The following CSRNP3 variants were observed in gnomAD, a reference collection of about 807,000 sequenced individuals.
CSRNP3 encodes the protein cysteine and serine rich nuclear protein 3, also known as cysteine/serine-rich nuclear protein 3.
CSRNP3 carries 12 observed loss-of-function variants against 48.0 expected under a neutral mutation model. That is an observed-to-expected ratio of 0.25 (90% confidence interval 0.16 to 0.41). The LOEUF (loss-of-function observed/expected upper bound fraction) is 0.41, where lower values mean the gene tolerates loss of function less well. CSRNP3 is among the 10% of genes least tolerant of loss of function. The pLI is 1.00. For missense variants in CSRNP3, 580 were observed against 724.4 expected (o/e 0.80, Z 2.29); for synonymous variants, 263 against 269.7 (o/e 0.98, Z 0.24).
At chr2:165,551,379 C>T (rs1449915410) in intron 3 of CSRNP3, among the ~76,000 whole-genome samples, 1 of 152,200 alleles carries the variant, frequency 6.6e-6, no homozygotes, top group East Asian at 1.9e-4. Flanking sequence ...CTTTTAGTCT[C>T]CCTCTATACC....
At position 165,687,991 on chromosome 2, in the gene CSRNP3, C is replaced by T. The variant is rs1687658357; in HGVS notation, c.*8238C>T. On this transcript the variant is annotated 3_prime_UTR_variant, in exon 7 of 7. Transcript: ENST00000651982. ...TGCTCTTGTGAAATGACAGCCACATCAGTGTGGTTACTCCCCACAAATAAC... is the reference window on the plus strand; with the variant it reads ...TGCTCTTGTGAAATGACAGCCACATTAGTGTGGTTACTCCCCACAAATAAC... 1 of 150,078 alleles carries T rather than the reference C, an allele frequency of 6.7e-6. No individual in the cohort carries two copies. The highest frequency in any genetic ancestry group is 2.1e-4 in the South Asian group (1 of 4,754). 9.3% of individuals were successfully genotyped at this position (150,078 alleles called of 1,614,324 possible). A position where few individuals can be genotyped will look rare whatever the true frequency, so the allele number is the denominator to read the frequency against.
chr2:165,625,855 C>A (rs1286640503), intron 4 of CSRNP3, among the ~76,000 whole-genome samples: 10 of 142,790 alleles, frequency 7.0e-5, no homozygotes, highest in South Asian at 4.4e-4. Flanking sequence ...ATCGCGTGAA[C>A]TCGGGGCAGA....
intron 4 of CSRNP3, among the ~76,000 whole-genome samples, chr2:165,654,620 T>A (rs540532235): frequency 8.4e-4 from 128 of 152,226 alleles, no homozygotes; most frequent in African/African-American, 2.6e-3. Context: ...TGTATTTATT[T>A]TTTATTTATT....
intron 4 of CSRNP3, among the ~76,000 whole-genome samples, chr2:165,641,214 G>C (rs1251126953): frequency 6.6e-6 from 1 of 152,202 alleles, no homozygotes; most frequent in Non-Finnish European, 1.5e-5. Flanking sequence ...TGGTTCACCA[G>C]TTCTAGTTTA....
intron 1 of CSRNP3, among the ~76,000 whole-genome samples, chr2:165,476,368 A>T (rs1683962735): frequency 6.6e-6 from 1 of 152,184 alleles, no homozygotes; most frequent in African/African-American, 2.4e-5. Flanking sequence ...ATAATATGGG[A>T]CTGGTAGAAG....
Position 165,635,181 on chromosome 2 carries a change from T to G in CSRNP3, c.149-22580T>G, listed in dbSNP as rs183980294. Reference sequence around the variant, plus strand: ...GAGCTGCCAAAGTGCGCAGCCAGGCTGGGCCCCTGGGGTGCCCGTGAGGGC... The same window carrying G: ...GAGCTGCCAAAGTGCGCAGCCAGGCGGGGCCCCTGGGGTGCCCGTGAGGGC... On this transcript the variant is annotated intron_variant, in intron 4 of 6. Transcript: ENST00000651982. Among the ~76,000 whole-genome samples the G allele has an allele frequency of 2.7e-3, 416 of 152,362 alleles. 1 individual carries two copies. Among genetic ancestry groups the G allele is most frequent in the Non-Finnish European group, 4.6e-3 (311 of 68,032 alleles).
At chr2:165,559,427 C>T (rs1685201642) in intron 3 of CSRNP3, among the ~76,000 whole-genome samples, 1 of 152,154 alleles carries the variant, frequency 6.6e-6, no homozygotes, top group African/African-American at 2.4e-5. Flanking sequence ...AAGCTTTTTA[C>T]TATCTTAATT....
rs1245758544 is a variant in CSRNP3, at chr2:165,689,050, AT to A, written c.*9299del. ...ATGTTGTATGTCACACAGTTTCTAGATTGATTTCTCTTGTGTATAAGTTATA... is the reference window on the plus strand; with the variant it reads ...ATGTTGTATGTCACACAGTTTCTAGATGATTTCTCTTGTGTATAAGTTATA... On this transcript the variant is annotated 3_prime_UTR_variant, in exon 7 of 7. Coordinates refer to ENST00000651982, the MANE Select transcript of CSRNP3 (RefSeq NM_001172173.2). The A allele has an allele frequency of 2.6e-5, 4 of 152,204 alleles. No individual in the cohort carries two copies. In the South Asian group the frequency reaches 8.3e-4, roughly 32 times the overall value. 9.4% of individuals were successfully genotyped at this position (152,204 alleles called of 1,614,324 possible).
chr2:165,503,205 T>A (rs1312902587), intron 2 of CSRNP3, among the ~76,000 whole-genome samples: 1 of 151,960 alleles, frequency 6.6e-6, no homozygotes, highest in Non-Finnish European at 1.5e-5. Context: ...GCTCCTAGGA[T>A]TTTCATAAAT....
intron 3 of CSRNP3, among the ~76,000 whole-genome samples, chr2:165,534,341 T>A (rs895499445): frequency 6.6e-6 from 1 of 152,050 alleles, no homozygotes; most frequent in African/African-American, 2.4e-5. Flanking sequence ...GTTTGTGACG[T>A]CTGCTTTAGA....
chr2:165,547,591 A>G (rs780204343), intron 3 of CSRNP3, among the ~76,000 whole-genome samples: 3 of 151,888 alleles, frequency 2.0e-5, no homozygotes, highest in Non-Finnish European at 2.9e-5. Flanking sequence ...TTTATTAAGT[A>G]CCTGCACAGA....
chr2:165,534,588 A>G (rs1432509341), intron 3 of CSRNP3, among the ~76,000 whole-genome samples: 1 of 151,904 alleles, frequency 6.6e-6, no homozygotes, highest in African/African-American at 2.4e-5. Context: ...AATTGAAAAA[A>G]CTTCTGAATA....
rs557452868 is a variant in CSRNP3 at position 165,582,446 on chromosome 2, T to G, written c.-23-12597T>G. ...CAGATGAGGCCAGTTTTGGGTGGTT[T>G]TTTGAGTAGTATGTGGCAGCCAAGA... On this transcript the variant is annotated intron_variant, in intron 3 of 6. Coordinates refer to ENST00000651982, the MANE Select transcript of CSRNP3 (RefSeq NM_001172173.2). Among the ~76,000 whole-genome samples, 45 of 152,208 alleles carry G rather than the reference T, an allele frequency of 3.0e-4. 1 individual carries two copies. Among genetic ancestry groups the G allele is most frequent in the African/African-American group, 1.0e-3 (43 of 41,526 alleles).
At chr2:165,672,266 G>A (rs747111594) in intron 5 of CSRNP3, among the ~76,000 whole-genome samples, 1 of 152,096 alleles carries the variant, frequency 6.6e-6, no homozygotes, top group Non-Finnish European at 1.5e-5. Flanking sequence ...CCAGTTTACT[G>A]TATTAGTCTG....
At chr2:165,586,047 C>G (rs905230744) in intron 3 of CSRNP3, among the ~76,000 whole-genome samples, 1 of 152,136 alleles carries the variant, frequency 6.6e-6, no homozygotes, top group African/African-American at 2.4e-5. Flanking sequence ...CTTTCATTTT[C>G]CGGCCAGGAA....
At chr2:165,659,813 A>G (rs1687067466) in intron 5 of CSRNP3, among the ~76,000 whole-genome samples, 1 of 152,216 alleles carries the variant, frequency 6.6e-6, no homozygotes, top group South Asian at 2.1e-4. Context: ...TTTTCAGAAT[A>G]AAGTCAGTCA....
chr2:165,666,873 G>T (rs1410573602), intron 5 of CSRNP3, among the ~76,000 whole-genome samples: 1 of 81,348 alleles, frequency 1.2e-5, no homozygotes. Flanking sequence ...GTAAGAAAGA[G>T]AGAGAGGAAG....
intron 2 of CSRNP3, among the ~76,000 whole-genome samples, chr2:165,510,419 G>T (rs898598616): frequency 6.6e-6 from 1 of 151,758 alleles, no homozygotes; most frequent in Non-Finnish European, 1.5e-5. Context: ...ATTAATATTT[G>T]TTGCCTCAGC....
In CSRNP3 at chr2:165,601,599, T is replaced by A. The variant is rs577901721; in HGVS notation, c.148+6386T>A. ...AAAAGTAGAAATTAACATTCATAAA[T>A]GTACTTATACTTTACCCAAGAGCTA... On this transcript the variant is annotated intron_variant, in intron 4 of 6. Transcript: ENST00000651982. Among the ~76,000 whole-genome samples the A allele has an allele frequency of 1.3e-4, 20 of 152,310 alleles. No homozygotes were observed. The South Asian group carries it at 3.7e-3, about 28-fold the overall frequency.
Sources: allele counts gnomAD v4.1 joint callset (sites outside exome capture counted in the v4.1 genomes callset), GRCh38; gene constraint gnomAD v4.1.1; transcripts MANE v1.5; gene names NCBI Gene and HGNC (gene_info 2026-07-23, HGNC 2026-07-21).